DNAH11: variants seen among roughly 807,000 people sequenced by gnomAD.
DNAH11 encodes the protein dynein axonemal heavy chain 11.
In DNAH11, 442 loss-of-function variants were observed where a neutral mutation model predicts 526.0. That is an observed-to-expected ratio of 0.84 (90% CI 0.78 to 0.91). DNAH11 has a LOEUF of 0.91. Among genes scored for constraint, DNAH11 ranks in the 40% least tolerant of loss-of-function variants. DNAH11 has a pLI of 0.00. For synonymous variants in DNAH11, 2,461 were observed against 1,935.9 expected, an observed-to-expected ratio of 1.27 and a Z score of -7.12; for missense variants, 6,989 against 5,448.7, an observed-to-expected ratio of 1.28 and a Z score of -8.90.
chr7:21,728,459 A>G (rs1017711865), intron 45 of DNAH11, among the ~76,000 whole-genome samples: 9 of 151,698 alleles, frequency 5.9e-5, no homozygotes, highest in Non-Finnish European at 8.8e-5. Flanking sequence ...GGGTTTCACC[A>G]TGTTGGCCAG....
chr7:21,739,694 C>T, intron 48 of DNAH11, 21 bp downstream of exon 48: 1 of 1,571,728 alleles, frequency 6.4e-7, no homozygotes. Flanking sequence ...GAATACTGCT[C>T]TCAAAAACTG....
At chr7:21,625,983 A>C (rs757162638) in intron 25 of DNAH11, among the ~76,000 whole-genome samples, 1 of 152,176 alleles carries the variant, frequency 6.6e-6, no homozygotes, top group Non-Finnish European at 1.5e-5. Flanking sequence ...ACATGTGATA[A>C]TTTAATATAT....
At chr7:21,724,411 A>T (rs1784994095) in intron 44 of DNAH11, among the ~76,000 whole-genome samples, 1 of 152,258 alleles carries the variant, frequency 6.6e-6, no homozygotes, top group Non-Finnish European at 1.5e-5. Flanking sequence ...ATAGGCCATA[A>T]TCCAATGACA....
chr7:21,569,940 C>T (rs1562667973), intron 6 of DNAH11, 129 bp from the exon 7 acceptor site: 3 of 702,138 alleles, frequency 4.3e-6, no homozygotes, highest in Admixed American at 3.3e-5. Flanking sequence ...CTTGTGCTTT[C>T]TTTCTTTCAG....
chr7:21,706,287 G>A (rs922752528), intron 39 of DNAH11, among the ~76,000 whole-genome samples: 1 of 152,172 alleles, frequency 6.6e-6, no homozygotes. Flanking sequence ...TCGGTTGGCA[G>A]ACGGTATATG....
chr7:21,653,205 A>G (rs1448475452), intron 28 of DNAH11, among the ~76,000 whole-genome samples: 2 of 152,204 alleles, frequency 1.3e-5, no homozygotes, highest in African/African-American at 4.8e-5. Flanking sequence ...GTAAAATGAA[A>G]GGCCTTTCCG....
At chr7:21,566,586 G>C (rs1270051193) in intron 6 of DNAH11, among the ~76,000 whole-genome samples, 1 of 141,012 alleles carries the variant, frequency 7.1e-6, no homozygotes, top group Admixed American at 7.3e-5. Context: ...GGTATTATTA[G>C]TAGCTTCATT....
intron 25 of DNAH11, among the ~76,000 whole-genome samples, chr7:21,631,213 T>G (rs1786588606): frequency 6.6e-6 from 1 of 151,592 alleles, no homozygotes; most frequent in Non-Finnish European, 1.5e-5. Context: ...GGGAAGGACC[T>G]GCCTCCGTGA....
At chr7:21,659,766 A>G (rs906661429) in intron 30 of DNAH11, among the ~76,000 whole-genome samples, 14 of 152,190 alleles carry the variant, frequency 9.2e-5, no homozygotes, top group South Asian at 4.2e-4. Flanking sequence ...ATGCTTCCCA[A>G]TGCTCCTCAT....
intron 63 of DNAH11, among the ~76,000 whole-genome samples, chr7:21,815,828 T>C (rs1215909376): frequency 6.6e-6 from 1 of 152,180 alleles, no homozygotes; most frequent in Non-Finnish European, 1.5e-5. Flanking sequence ...TTCTTTAAAA[T>C]GGATTGCTCT....
In DNAH11 at chr7:21,681,586, A is replaced by G. The variant is rs1300236058; in HGVS notation, c.5369A>G (p.Glu1790Gly). ...LNTLITLLLG[E>G]LPPGDRQKIM... ...ACACTGATTACACTTTTGCTGGGAG[A>G]ACTTCCACCTGGAGACAGACAGAAG... is the stretch of plus-strand genomic sequence containing the variant. Residue 1790 changes from glutamate to glycine, a missense_variant, in exon 31 of 82, where the codon GAA becomes GGA. Coordinates refer to ENST00000409508, the MANE Select transcript of DNAH11 (RefSeq NM_001277115.2). 6.2e-7 allele frequency: 1 copy of G among 1,613,832 alleles called. No homozygotes were observed. Among genetic ancestry groups the G allele is most frequent in the East Asian group, 2.2e-5 (1 of 44,872 alleles).
intron 36 of DNAH11, among the ~76,000 whole-genome samples, chr7:21,701,237 A>G (rs1227339280): frequency 6.6e-6 from 1 of 151,874 alleles, no homozygotes; most frequent in Non-Finnish European, 1.5e-5. Context: ...ATTGTGACTC[A>G]GTGCATACAC....
At chr7:21,816,240 A>T (rs1789785619) in intron 63 of DNAH11, among the ~76,000 whole-genome samples, 1 of 152,180 alleles carries the variant, frequency 6.6e-6, no homozygotes, top group Non-Finnish European at 1.5e-5. Flanking sequence ...GCAGTTGATA[A>T]AACCGATGTT....
intron 68 of DNAH11, among the ~76,000 whole-genome samples, chr7:21,859,869 GAACAACAAC>G: frequency 1.3e-5 from 2 of 151,830 alleles, no homozygotes; most frequent in South Asian, 4.2e-4. Flanking sequence ...AAGTACATGG[GAACAACAAC>G]AACAACAACA....
intron 14 of DNAH11, among the ~76,000 whole-genome samples, chr7:21,594,028 T>A (rs1377043290): frequency 2.7e-5 from 4 of 146,336 alleles, no homozygotes; most frequent in South Asian, 2.2e-4. Flanking sequence ...TCACACACAC[T>A]CTTTCTCCCT....
intron 66 of DNAH11, among the ~76,000 whole-genome samples, chr7:21,844,322 A>G (rs930525407): frequency 5.9e-5 from 9 of 152,302 alleles, no homozygotes; most frequent in Non-Finnish European, 1.3e-4. Flanking sequence ...GCTACTGAGG[A>G]GGCTGAGGCA....
chr7:21,619,091 C>T lies in DNAH11; in HGVS notation c.4255-9C>T, dbSNP rs1341997045. The T allele has an allele frequency of 2.5e-6, 4 of 1,612,438 alleles. No individual in the cohort carries two copies. Among genetic ancestry groups the T allele is most frequent in the Non-Finnish European group, 3.4e-6 (4 of 1,179,264 alleles). ...GAATATAAAGTCTAACTTTTTTTCC[C>T]CCAATCAGGTCAAGTTTTTAATAAA... is the stretch of plus-strand genomic sequence containing the variant. On this transcript the variant is annotated splice_polypyrimidine_tract_variant and intron_variant, in intron 23 of 81. Coordinates refer to ENST00000409508, the MANE Select transcript of DNAH11 (RefSeq NM_001277115.2).
intron 65 of DNAH11, among the ~76,000 whole-genome samples, chr7:21,834,032 C>G (rs1781892796): frequency 6.6e-6 from 1 of 152,128 alleles, no homozygotes; most frequent in Admixed American, 6.5e-5. Flanking sequence ...ACATTCCACC[C>G]AATAGCGCAG....
At chr7:21,583,320 A>C (rs1364619684) in intron 9 of DNAH11, among the ~76,000 whole-genome samples, 3 of 151,720 alleles carry the variant, frequency 2.0e-5, no homozygotes, top group Non-Finnish European at 4.4e-5. Context: ...CAAACCTGAC[A>C]AAAACAAGCA....
Sources: gnomAD v4.1 joint callset for allele counts (sites outside exome capture counted in the v4.1 genomes callset) on GRCh38, gnomAD v4.1.1 for gene constraint, MANE v1.5 for transcripts, NCBI Gene and HGNC (gene_info 2026-07-23, HGNC 2026-07-21) for gene names.